Variants in THRB observed in about 807,000 individuals in gnomAD.
THRB encodes the protein nuclear receptor subfamily 1 group A member 2.
In THRB, 12 loss-of-function variants were observed where a neutral mutation model predicts 47.8. The ratio of observed to expected loss-of-function variants is 0.25; its 90% CI spans 0.16 to 0.41. The LOEUF (loss-of-function observed/expected upper bound fraction) is 0.41. THRB is among the 10% of genes least tolerant of loss of function. The pLI, the probability that THRB is intolerant of heterozygous loss-of-function variation, is 1.00. For synonymous variants in THRB, 218 were observed against 212.2 expected, an observed-to-expected ratio of 1.03 and a Z score of -0.24; for missense variants, 348 against 589.2, an observed-to-expected ratio of 0.59 and a Z score of 4.24.
chr3:24,254,082 G>A (rs945262542), intron 3 of THRB, among the ~76,000 whole-genome samples: 3 of 150,666 alleles, frequency 2.0e-5, no homozygotes, highest in Admixed American at 6.6e-5. Context: ...CAGATTTACC[G>A]GCCGGGCGTG....
chr3:24,426,068 T>C (rs1178452625), intron 1 of THRB, among the ~76,000 whole-genome samples: 7 of 151,898 alleles, frequency 4.6e-5, no homozygotes, highest in African/African-American at 1.7e-4. Flanking sequence ...ATCAGGGTGG[T>C]TGTAAGGATT....
intron 1 of THRB, among the ~76,000 whole-genome samples, chr3:24,482,508 ATTCG>A (rs1374910624): frequency 2.8e-5 from 4 of 143,520 alleles, no homozygotes; most frequent in East Asian, 4.0e-4. Context: ...TCATTCATTC[ATTCG>A]TTCTTTCTTT....
chr3:24,154,705 A>G (rs6774779), intron 5 of THRB, among the ~76,000 whole-genome samples: 18,570 of 152,184 alleles, frequency 0.12, 1,719 homozygotes, highest in African/African-American at 0.25. Context: ...AAGTAACTCA[A>G]TTAGGAAAAC....
intron 1 of THRB, among the ~76,000 whole-genome samples, chr3:24,350,811 T>C (rs145380940): frequency 1.3e-5 from 2 of 152,284 alleles, no homozygotes; most frequent in East Asian, 3.9e-4. Flanking sequence ...TTCATTTTAA[T>C]AAAAAGGTTT....
intron 1 of THRB, among the ~76,000 whole-genome samples, chr3:24,406,764 A>C (rs369973688): frequency 1.3e-5 from 2 of 151,940 alleles, no homozygotes; most frequent in African/African-American, 4.8e-5. Context: ...AATGTACTCC[A>C]CTAAATAATA....
At chr3:24,349,009 AGCCAC>A (rs1331877116) in intron 1 of THRB, 2 of 152,202 alleles carry the variant, frequency 1.3e-5, no homozygotes, top group Admixed American at 6.5e-5. Flanking sequence ...AAGTTAATAA[AGCCAC>A]ACCACTGGAT....
At chr3:24,283,434 CA>C in intron 3 of THRB, among the ~76,000 whole-genome samples, 1 of 151,894 alleles carries the variant, frequency 6.6e-6, no homozygotes, top group East Asian at 1.9e-4. Flanking sequence ...GGACGTATCT[CA>C]AAATAATAAG....
intron 1 of THRB, among the ~76,000 whole-genome samples, chr3:24,491,430 C>G (rs1312740693): frequency 6.6e-6 from 1 of 152,180 alleles, no homozygotes; most frequent in Admixed American, 6.5e-5. Flanking sequence ...ATGCTCTGGT[C>G]ACTTGAAAAC....
At chr3:24,310,010 A>G (rs2057638423) in intron 2 of THRB, among the ~76,000 whole-genome samples, 1 of 152,174 alleles carries the variant, frequency 6.6e-6, no homozygotes, top group South Asian at 2.1e-4. Flanking sequence ...TGCTTCCCCA[A>G]AGCTACTGAG....
At chr3:24,292,700 T>C (rs2056054384) in intron 3 of THRB, among the ~76,000 whole-genome samples, 1 of 152,144 alleles carries the variant, frequency 6.6e-6, no homozygotes, top group South Asian at 2.1e-4. Flanking sequence ...AAGTCAGTGG[T>C]CTCATTTCAA....
chr3:24,143,787 A>T (rs2035752183), intron 7 of THRB, 81 bp from the exon 8 acceptor site: 1 of 1,456,100 alleles, frequency 6.9e-7, no homozygotes, highest in Non-Finnish European at 9.6e-7. Context: ...GAGCCTCAGG[A>T]GTGGGACCAC....
chr3:24,235,794 T>A (rs544023389), intron 3 of THRB, among the ~76,000 whole-genome samples: 1 of 152,260 alleles, frequency 6.6e-6, no homozygotes, highest in South Asian at 2.1e-4. Context: ...AGATGCAGAA[T>A]CAGTGGACAT....
At chr3:24,396,627 C>G (rs1201394511) in intron 1 of THRB, among the ~76,000 whole-genome samples, 1 of 152,106 alleles carries the variant, frequency 6.6e-6, no homozygotes, top group African/African-American at 2.4e-5. Flanking sequence ...GCGCTCTAAA[C>G]TAGGGCCTCC....
At chr3:24,398,774 C>T (rs868223714) in intron 1 of THRB, among the ~76,000 whole-genome samples, 2 of 152,286 alleles carry the variant, frequency 1.3e-5, no homozygotes, top group Middle Eastern at 3.4e-3. Flanking sequence ...AAGACACATG[C>T]ACACGTAAGT....
chr3:24,238,445 CAACAAACAAGA>C (rs2049141954), intron 3 of THRB, among the ~76,000 whole-genome samples: 6 of 151,922 alleles, frequency 3.9e-5, no homozygotes, highest in Non-Finnish European at 7.4e-5. Context: ...GCATGAAAAA[CAACAAACAAGA>C]ATGTGAAAAT....
intron 1 of THRB, among the ~76,000 whole-genome samples, chr3:24,415,329 T>A (rs567541173): frequency 6.6e-6 from 1 of 152,012 alleles, no homozygotes; most frequent in Admixed American, 6.6e-5. Context: ...GATCCAAGAA[T>A]ATCATTCTTT....
intron 2 of THRB, among the ~76,000 whole-genome samples, chr3:24,308,924 T>C (rs1222313245): frequency 6.6e-6 from 1 of 152,176 alleles, no homozygotes; most frequent in Admixed American, 6.6e-5. Flanking sequence ...AGAAGTAAAC[T>C]GTTTATTTTC....
chr3:24,451,506 A>G (rs1454350190), intron 1 of THRB, among the ~76,000 whole-genome samples: 1 of 152,160 alleles, frequency 6.6e-6, no homozygotes, highest in African/African-American at 2.4e-5. Context: ...AAGTTCTGGG[A>G]TTACAGGCGT....
chr3:24,347,772 G>GA (rs1263356176), intron 1 of THRB, among the ~76,000 whole-genome samples: 1 of 151,472 alleles, frequency 6.6e-6, no homozygotes, highest in Non-Finnish European at 1.5e-5. Flanking sequence ...TACTCAAACA[G>GA]GAAAAAATAA....
Sources: gnomAD v4.1 joint callset for allele counts (sites outside exome capture counted in the v4.1 genomes callset) on GRCh38, gnomAD v4.1.1 for gene constraint, MANE v1.5 for transcripts, NCBI Gene and HGNC (gene_info 2026-07-23, HGNC 2026-07-21) for gene names.